DPYSL2: variants seen among roughly 807,000 people sequenced by gnomAD.
The protein encoded by DPYSL2 is dihydropyrimidinase-related protein 2.
A neutral mutation model predicts 69.9 loss-of-function variants in DPYSL2; 13 were observed. The ratio of observed to expected loss-of-function variants is 0.19; its 90% CI spans 0.12 to 0.30. DPYSL2 has a LOEUF of 0.30. Ranked by LOEUF, DPYSL2 falls within the 10% of genes least tolerant of loss-of-function variation. DPYSL2 has a pLI of 1.00. For missense variants in DPYSL2, 587 were observed against 918.9 expected, an observed-to-expected ratio of 0.64 and a Z score of 4.67; for synonymous variants, 326 against 359.1, an observed-to-expected ratio of 0.91 and a Z score of 1.04.
In DPYSL2 at chr8:26,564,407, G is replaced by T. The variant is rs998589343; in HGVS notation, c.355-17562G>T. Among the ~76,000 whole-genome samples, 6 of 152,318 alleles carry T rather than the reference G, an allele frequency of 3.9e-5. No homozygotes were observed. In the East Asian group the frequency reaches 7.7e-4, roughly 20 times the overall value. On this transcript the variant is annotated intron_variant, in intron 1 of 13. Coordinates refer to ENST00000521913, the MANE Select transcript of DPYSL2 (RefSeq NM_001197293.3). The surrounding 1 kb of genome is among the most constrained non-coding windows in gnomAD (Gnocchi z 4.8). The stretch of plus-strand genomic sequence containing the variant: ...AGGAGTTTTCCAAGCTCAAGGGACT[G>T]AGAGGTGGAGAGGAAGACTTTGAGA...
rs1800867524 is a variant in DPYSL2, at chr8:26,551,087, A to G, written c.355-30882A>G. 2.6e-5 allele frequency among the ~76,000 whole-genome samples: 4 copies of G among 152,302 alleles called. No individual in the cohort carries two copies. The South Asian group carries it at 8.3e-4, about 32-fold the overall frequency. On this transcript the variant is annotated intron_variant, in intron 1 of 13. Coordinates refer to ENST00000521913, the MANE Select transcript of DPYSL2 (RefSeq NM_001197293.3). The stretch of plus-strand genomic sequence containing the variant: ...CTCCCCCAGATACACCTTCATAGAC[A>G]TACCTGGGACAACCCAATTATTCTA...
At chr8:26,622,291 C>T (rs73227606) in intron 3 of DPYSL2, among the ~76,000 whole-genome samples, 8,839 of 151,714 alleles carry the variant, frequency 0.058, 281 homozygotes, top group East Asian at 0.09. Flanking sequence ...ATGGAATAAG[C>T]TTGCATTTGA....
chr8:26,576,309 C>T (rs1801342519), intron 1 of DPYSL2, among the ~76,000 whole-genome samples: 1 of 152,150 alleles, frequency 6.6e-6, no homozygotes, highest in African/African-American at 2.4e-5. Flanking sequence ...TCGAATTATT[C>T]CGTATTTATC....
chr8:26,595,255 T>A (rs1801833485), intron 3 of DPYSL2, among the ~76,000 whole-genome samples: 1 of 152,096 alleles, frequency 6.6e-6, no homozygotes, highest in African/African-American at 2.4e-5. Flanking sequence ...ATAGGGCTTA[T>A]AATCCTGTAA....
At chr8:26,569,767 C>G (rs1442680924) in intron 1 of DPYSL2, among the ~76,000 whole-genome samples, 1 of 152,042 alleles carries the variant, frequency 6.6e-6, no homozygotes, top group East Asian at 1.9e-4. Context: ...CTCCCTGAAG[C>G]AGGGATGCAT....
chr8:26,651,067 A>G (rs971142517), intron 11 of DPYSL2, among the ~76,000 whole-genome samples: 3 of 152,282 alleles, frequency 2.0e-5, no homozygotes, highest in East Asian at 1.9e-4. Context: ...ATGAAAGACA[A>G]TTTTAAGTCT....
chr8:26,572,846 A>T (rs1801262288), intron 1 of DPYSL2, among the ~76,000 whole-genome samples: 1 of 152,182 alleles, frequency 6.6e-6, no homozygotes, highest in South Asian at 2.1e-4. Flanking sequence ...TGTGAGCTCA[A>T]ACCTTGAATG....
At chr8:26,577,789 T>TCGCGC (rs917497012) in intron 1 of DPYSL2, 12 of 992,494 alleles carry the variant, frequency 1.2e-5, no homozygotes, top group African/African-American at 7.0e-5. Flanking sequence ...TTTCGCGCTC[T>TCGCGC]CGCGCCGCGC....
intron 1 of DPYSL2, among the ~76,000 whole-genome samples, chr8:26,578,724 G>C (rs1255754248): frequency 1.3e-5 from 2 of 152,178 alleles, no homozygotes; most frequent in Admixed American, 6.5e-5. Context: ...GATCCTCCCC[G>C]GGTCTTCCGC....
rs1195396910 is a variant in DPYSL2 at position 26,564,763 on chromosome 8, A to G, written c.355-17206A>G. ...TCTGTCCCAGTTTCTTTTTAAAAGAATTTTTTTTTTAAAAAATTTCAATAG... is the reference window on the plus strand; with the variant it reads ...TCTGTCCCAGTTTCTTTTTAAAAGAGTTTTTTTTTTAAAAAATTTCAATAG... On this transcript the variant is annotated intron_variant, in intron 1 of 13. Transcript: ENST00000521913. This position sits in a 1 kb window ranked among gnomAD's most constrained non-coding sequence, Gnocchi z 4.8. Among the ~76,000 whole-genome samples, 4 of 150,168 alleles carry G rather than the reference A, an allele frequency of 2.7e-5. No homozygotes were observed. The highest frequency in any genetic ancestry group is 7.4e-5 in the African/African-American group (3 of 40,502).
rs1182840091 is a variant in DPYSL2 at position 26,586,446 on chromosome 8, C to T, written c.628+2463C>T. On this transcript the variant is annotated intron_variant, in intron 3 of 13. Transcript: ENST00000521913. The surrounding 1 kb of genome is among the most constrained non-coding windows in gnomAD (Gnocchi z 4.7). ...TTCTCTCACACTTGCTGGAAAGAATCCCTCAGCCCACCATCTCCTGTCCTG... is the reference window on the plus strand; with the variant it reads ...TTCTCTCACACTTGCTGGAAAGAATTCCTCAGCCCACCATCTCCTGTCCTG... Among the ~76,000 whole-genome samples, 2 of 152,198 alleles carry T rather than the reference C, an allele frequency of 1.3e-5. No homozygotes were observed. The highest frequency in any genetic ancestry group is 4.8e-5 in the African/African-American group (2 of 41,444).
intron 1 of DPYSL2, among the ~76,000 whole-genome samples, chr8:26,561,761 A>G (rs1320431197): frequency 6.6e-6 from 1 of 152,120 alleles, no homozygotes; most frequent in Non-Finnish European, 1.5e-5. Flanking sequence ...TGCAACCTAT[A>G]TCCCTCCCAT....
chr8:26,635,996 A>G (rs865983893), intron 8 of DPYSL2, among the ~76,000 whole-genome samples: 3 of 152,302 alleles, frequency 2.0e-5, no homozygotes, highest in South Asian at 2.1e-4. Flanking sequence ...AAATTGCTCA[A>G]TGATGACTGA....
At chr8:26,603,466 C>T (rs571036757) in intron 3 of DPYSL2, among the ~76,000 whole-genome samples, 129 of 152,340 alleles carry the variant, frequency 8.5e-4, no homozygotes, top group African/African-American at 2.9e-3. Context: ...CCACCGCGCC[C>T]GGCTCTTTCT....
At chr8:26,599,960 C>G (rs1304337828) in intron 3 of DPYSL2, among the ~76,000 whole-genome samples, 1 of 152,178 alleles carries the variant, frequency 6.6e-6, no homozygotes, top group Non-Finnish European at 1.5e-5. Context: ...GCAACCACTA[C>G]ATTTCTATAG....
intron 3 of DPYSL2, among the ~76,000 whole-genome samples, chr8:26,589,128 C>G: frequency 6.6e-6 from 1 of 152,320 alleles, no homozygotes; most frequent in South Asian, 2.1e-4. Context: ...CCCTCCACGA[C>G]GCGGCCTATT....
intron 3 of DPYSL2, among the ~76,000 whole-genome samples, chr8:26,601,010 C>A (rs1045719670): frequency 6.6e-6 from 1 of 152,190 alleles, no homozygotes; most frequent in African/African-American, 2.4e-5. Flanking sequence ...ACACAGCCTG[C>A]GGGGTCCAGG....
At chr8:26,551,185 C>A (rs1417157745) in intron 1 of DPYSL2, among the ~76,000 whole-genome samples, 1 of 152,224 alleles carries the variant, frequency 6.6e-6, no homozygotes, top group East Asian at 1.9e-4. Context: ...ATAATTGATC[C>A]TTTACCAGCT....
chr8:26,516,589 C>T lies in DPYSL2; in HGVS notation c.354+1910C>T, dbSNP rs1228784884. Among the ~76,000 whole-genome samples the T allele has an allele frequency of 1.3e-5, 2 of 152,096 alleles. No homozygotes were observed. The highest frequency in any genetic ancestry group is 4.8e-5 in the African/African-American group (2 of 41,402). On this transcript the variant is annotated intron_variant, in intron 1 of 13. Transcript: ENST00000521913. The surrounding 1 kb of genome is among the most constrained non-coding windows in gnomAD (Gnocchi z 4.8). ...TTCTTTTTTCTTGGCCATTTAGAAG[C>T]TTAGATATATGAAATTCTAAATTGT...
Sources: gnomAD v4.1 joint callset for allele counts (sites outside exome capture counted in the v4.1 genomes callset) on GRCh38, gnomAD v4.1.1 for gene constraint, Gnocchi (gnomAD v3.1) non-coding constraint, MANE v1.5 for transcripts, NCBI Gene and HGNC (gene_info 2026-07-23, HGNC 2026-07-21) for gene names.